TOP1: variants seen among roughly 807,000 people sequenced by gnomAD.
TOP1 encodes the protein DNA topoisomerase I, also known as DNA topoisomerase 1.
Under a neutral mutation model 111.1 loss-of-function variants are expected in TOP1, and 10 were observed. The ratio of observed to expected loss-of-function variants is 0.09; its 90% CI spans 0.06 to 0.15. The LOEUF (loss-of-function observed/expected upper bound fraction) is 0.15, where lower values mean the gene tolerates loss of function less well. Among genes scored for constraint, TOP1 ranks in the 10% least tolerant of loss-of-function variants. TOP1 has a pLI of 1.00. For synonymous variants in TOP1, 271 were observed against 302.9 expected, an observed-to-expected ratio of 0.89 and a Z score of 1.10; for missense variants, 474 against 926.7, an observed-to-expected ratio of 0.51 and a Z score of 6.34.
chr20:41,035,223 G>T (rs1018062187), intron 2 of TOP1, among the ~76,000 whole-genome samples: 1 of 152,010 alleles, frequency 6.6e-6, no homozygotes, highest in East Asian at 1.9e-4. Flanking sequence ...TTCATTTGTT[G>T]TCTTAAGCTT....
At position 41,101,057 on chromosome 20, in the gene TOP1, A is replaced by ATT; in HGVS notation, c.1164-152_1164-151insTT. ...TTCGGATGACAGTTGGCTGAGGGTA[A>ATT]GTAAAACCATGCATAAGGTGGGACT... On this transcript the variant is annotated intron_variant, in intron 12 of 20. Coordinates refer to ENST00000361337, the MANE Select transcript of TOP1 (RefSeq NM_003286.4). This position sits in a 1 kb window ranked among gnomAD's most constrained non-coding sequence, Gnocchi z 4.1. The ATT allele has an allele frequency of 1.5e-6, 1 of 684,688 alleles. No homozygotes were observed. The highest frequency in any genetic ancestry group is 2.4e-6 in the Non-Finnish European group (1 of 409,100). The allele number at this position is 684,688 out of a possible 1,614,324, so 42.4% of individuals were successfully genotyped here. A position where few individuals can be genotyped will look rare whatever the true frequency, so the allele number is the denominator to read the frequency against.
rs572823436 is a variant in TOP1, at chr20:41,030,262, A to G, written c.58+807A>G. ...CTTTTCATTGTGGTCGAGGTTCCCAATGCAGTGTTTTTCTGGAAACGCAGT... is the reference window on the plus strand; with the variant it reads ...CTTTTCATTGTGGTCGAGGTTCCCAGTGCAGTGTTTTTCTGGAAACGCAGT... On this transcript the variant is annotated intron_variant, in intron 2 of 20. Transcript: ENST00000361337. This position sits in a 1 kb window ranked among gnomAD's most constrained non-coding sequence, Gnocchi z 4.1. Among the ~76,000 whole-genome samples the G allele has an allele frequency of 2.6e-5, 4 of 152,302 alleles. No homozygotes were observed. Among genetic ancestry groups the G allele is most frequent in the South Asian group, 2.1e-4 (1 of 4,820 alleles).
At position 41,102,525 on chromosome 20, in the gene TOP1, G is replaced by T. The variant is rs187563937; in HGVS notation, c.1308+1172G>T. 6.6e-6 allele frequency among the ~76,000 whole-genome samples: 1 copy of T among 152,256 alleles called. No homozygotes were observed. Among genetic ancestry groups the T allele is most frequent in the East Asian group, 1.9e-4 (1 of 5,182 alleles). On this transcript the variant is annotated intron_variant, in intron 13 of 20. Coordinates refer to ENST00000361337, the MANE Select transcript of TOP1 (RefSeq NM_003286.4). This position sits in a 1 kb window ranked among gnomAD's most constrained non-coding sequence, Gnocchi z 4.0. ...CTTGGGAGGCGGAGGCAGGAGAATC[G>T]CTTGAACCTGGGAGGCAGAGGTCGC...
At position 41,101,211 on chromosome 20, in the gene TOP1, A is replaced by G. The variant is rs778148217; in HGVS notation, c.1166A>G (p.Asp389Gly). The part of the protein sequence containing the change: ...PEDIIINCSK[D>G]AKVPSPPPGH... ...TCCTCGTGCTCTGTTATTTCCAGAG[A>G]TGCCAAGGTTCCTTCTCCTCCTCCA... Residue 389 changes from aspartate to glycine, a missense_variant and splice_region_variant, in exon 13 of 21, where the codon GAT (aspartate) becomes GGT (glycine). Coordinates refer to ENST00000361337, the MANE Select transcript of TOP1 (RefSeq NM_003286.4). The surrounding 1 kb of genome is among the most constrained non-coding windows in gnomAD (Gnocchi z 4.1). 6.2e-7 allele frequency: 1 copy of G among 1,614,032 alleles called. No homozygotes were observed. The highest frequency in any genetic ancestry group is 8.5e-7 in the Non-Finnish European group (1 of 1,179,918).
intron 8 of TOP1, among the ~76,000 whole-genome samples, chr20:41,091,639 C>T (rs1181488449): frequency 3.4e-5 from 5 of 146,530 alleles, no homozygotes; most frequent in African/African-American, 1.3e-4. Context: ...TCACTGCAAC[C>T]TCTGCCTCCT....
chr20:41,124,163 G>T lies in TOP1; in HGVS notation c.*866G>T, dbSNP rs969260736. 7 of 232,644 alleles carry T rather than the reference G, an allele frequency of 3.0e-5. No individual in the cohort carries two copies. Among genetic ancestry groups the T allele is most frequent in the Non-Finnish European group, 4.2e-5 (5 of 117,648 alleles). The allele number at this position is 232,644 out of a possible 1,614,324, so 14.4% of individuals were successfully genotyped here. ...TTTAACCCTAATCTTTCACTTGAAAGATTTTATTGTATAAAAAGTTTCACA... is the reference window on the plus strand; with the variant it reads ...TTTAACCCTAATCTTTCACTTGAAATATTTTATTGTATAAAAAGTTTCACA... On this transcript the variant is annotated 3_prime_UTR_variant, in exon 21 of 21. Transcript: ENST00000361337. The surrounding 1 kb of genome is among the most constrained non-coding windows in gnomAD (Gnocchi z 5.4).
At chr20:41,057,285 G>A (rs1223011028) in intron 2 of TOP1, among the ~76,000 whole-genome samples, 1 of 151,184 alleles carries the variant, frequency 6.6e-6, no homozygotes, top group African/African-American at 2.4e-5. Context: ...AGGAGGCTGA[G>A]GCAGGAGAAT....
In TOP1 at chr20:41,078,209, G is replaced by A. The variant is rs886919408; in HGVS notation, c.335+572G>A. On this transcript the variant is annotated intron_variant, in intron 5 of 20. Coordinates refer to ENST00000361337, the MANE Select transcript of TOP1 (RefSeq NM_003286.4). This position sits in a 1 kb window ranked among gnomAD's most constrained non-coding sequence, Gnocchi z 5.3. ...CTTTTCTAGAAGGAGAGGAAAATGC[G>A]CAAAATCTAGAGGTTACTTCCTATA... 1.5e-4 allele frequency among the ~76,000 whole-genome samples: 23 copies of A among 152,046 alleles called. No homozygotes were observed. The highest frequency in any genetic ancestry group is 2.1e-4 in the South Asian group (1 of 4,830).
At chr20:41,093,706 T>G (rs73259887) in intron 9 of TOP1, among the ~76,000 whole-genome samples, 9,411 of 152,206 alleles carry the variant, frequency 0.062, 963 homozygotes, top group African/African-American at 0.22. Flanking sequence ...TGAGAAACAC[T>G]GGGCAGGATA....
intron 17 of TOP1, among the ~76,000 whole-genome samples, chr20:41,117,872 G>C (rs1314206630): frequency 1.3e-5 from 2 of 152,076 alleles, no homozygotes; most frequent in Non-Finnish European, 2.9e-5. Context: ...AGGGTCCCTA[G>C]CCAAGTTCCC....
chr20:41,099,445 G>A (rs1600588917), intron 11 of TOP1, among the ~76,000 whole-genome samples: 1 of 152,130 alleles, frequency 6.6e-6, no homozygotes, highest in Non-Finnish European at 1.5e-5. Flanking sequence ...GTCTGAATCT[G>A]TTCCCACCCA....
chr20:41,113,665 C>A (rs1600600656), intron 14 of TOP1, among the ~76,000 whole-genome samples: 1 of 140,700 alleles, frequency 7.1e-6, no homozygotes, highest in African/African-American at 2.6e-5. Flanking sequence ...AACACGAGGT[C>A]AAGAGACCAT....
At chr20:41,089,633 T>C (rs1158667270) in intron 8 of TOP1, among the ~76,000 whole-genome samples, 1 of 152,242 alleles carries the variant, frequency 6.6e-6, no homozygotes, top group African/African-American at 2.4e-5. Context: ...CAAGTATTTG[T>C]TTGAATATTG....
In TOP1 at chr20:41,112,816, G is replaced by A. The variant is rs770886088; in HGVS notation, c.1343G>A (p.Arg448Gln). ...EKDWQKYETA[R>Q]RLKKCVDKIR... ...GACTGGCAGAAATACGAGACTGCTC[G>A]GCGGCTGAAAAAATGTGTGGACAAG... is the stretch of plus-strand genomic sequence containing the variant. Residue 448 changes from arginine to glutamine, a missense_variant, in exon 14 of 21, where the codon CGG becomes CAG. By Grantham distance (43) the Arg-to-Gln change is conservative. Coordinates refer to ENST00000361337, the MANE Select transcript of TOP1 (RefSeq NM_003286.4). This position sits in a 1 kb window ranked among gnomAD's most constrained non-coding sequence, Gnocchi z 5.8. 3 of 1,614,186 alleles carry A rather than the reference G, an allele frequency of 1.9e-6. No individual in the cohort carries two copies. The highest frequency in any genetic ancestry group is 2.2e-5 in the East Asian group (1 of 44,888).
intron 2 of TOP1, among the ~76,000 whole-genome samples, chr20:41,037,543 C>T (rs1203848630): frequency 1.3e-5 from 2 of 152,096 alleles, no homozygotes; most frequent in African/African-American, 4.8e-5. Flanking sequence ...AATAAGAATA[C>T]CTTAAATAAT....
intron 2 of TOP1, among the ~76,000 whole-genome samples, chr20:41,045,417 AAAGTT>A (rs2033321532): frequency 6.6e-6 from 1 of 152,184 alleles, no homozygotes; most frequent in African/African-American, 2.4e-5. Context: ...ACTGGTAAGT[AAAGTT>A]GTGTTTACCA....
In TOP1 at chr20:41,100,360, G is replaced by A; in HGVS notation, c.1163+117G>A. The A allele has an allele frequency of 1.2e-6, 1 of 804,674 alleles. No homozygotes were observed. The highest frequency in any genetic ancestry group is 1.9e-6 in the Non-Finnish European group (1 of 523,344). 49.8% of individuals were successfully genotyped at this position (804,674 alleles called of 1,614,324 possible). A position where few individuals can be genotyped will look rare whatever the true frequency, so the allele number is the denominator to read the frequency against. On this transcript the variant is annotated intron_variant, in intron 12 of 20. Coordinates refer to ENST00000361337, the MANE Select transcript of TOP1 (RefSeq NM_003286.4). The surrounding 1 kb of genome is among the most constrained non-coding windows in gnomAD (Gnocchi z 4.4). ...TTGGGAAGGGAGATACTTAAGAGCAGGACAGTATTTCATGCGTAGGTCTCC... is the reference window on the plus strand; with the variant it reads ...TTGGGAAGGGAGATACTTAAGAGCAAGACAGTATTTCATGCGTAGGTCTCC...
intron 8 of TOP1, among the ~76,000 whole-genome samples, chr20:41,084,797 C>CTGTAG (rs1311551190): frequency 6.6e-6 from 1 of 152,148 alleles, no homozygotes; most frequent in Non-Finnish European, 1.5e-5. Context: ...ACAGAATGGA[C>CTGTAG]TGTAGAAGCA....
intron 2 of TOP1, among the ~76,000 whole-genome samples, chr20:41,055,862 C>T (rs1365064873): frequency 6.6e-6 from 1 of 152,184 alleles, no homozygotes; most frequent in Non-Finnish European, 1.5e-5. Flanking sequence ...TGCCTTAACA[C>T]AAACCCTCTC....
Sources: gnomAD v4.1 joint callset for allele counts (sites outside exome capture counted in the v4.1 genomes callset) on GRCh38, gnomAD v4.1.1 for gene constraint, Gnocchi (gnomAD v3.1) non-coding constraint, MANE v1.5 for transcripts, NCBI Gene and HGNC (gene_info 2026-07-23, HGNC 2026-07-21) for gene names.